CDH20: variants seen among roughly 807,000 people sequenced by gnomAD.
The protein encoded by CDH20 is cadherin 20.
Under a neutral mutation model 74.2 loss-of-function variants are expected in CDH20, and 29 were observed. The ratio of observed to expected loss-of-function variants is 0.39; its 90% CI spans 0.29 to 0.53. CDH20 has a LOEUF of 0.53. CDH20 is among the 20% of genes least tolerant of loss of function. The pLI is 0.69. For missense variants in CDH20, 988 were observed against 1,048.3 expected, an observed-to-expected ratio of 0.94 and a Z score of 0.79; for synonymous variants, 469 against 405.4, an observed-to-expected ratio of 1.16 and a Z score of -1.88.
At chr18:61,352,280 A>G (rs11152293) in intron 1 of CDH20, among the ~76,000 whole-genome samples, 33,904 of 152,186 alleles carry the variant, frequency 0.22, 4,923 homozygotes, top group Non-Finnish European at 0.32. Context: ...GAGCTGTAGC[A>G]GCATTGAGAG....
rs1200515299 is a variant in CDH20, at chr18:61,554,211, C to T, written c.1922C>T (p.Ser641Phe). 6.2e-7 allele frequency: 1 copy of T among 1,611,870 alleles called. No individual in the cohort carries two copies. The highest frequency in any genetic ancestry group is 1.1e-5 in the South Asian group (1 of 91,008). ...GCAGTGCTGGTGTTGCTCATTTTGT[C>T]CATGAGGCGGCACCGGAAACAACCA... ...VLLVLVLLIL[S>F]MRRHRKQPYI... is the part of the protein sequence containing the mutation. The change falls in exon 12 of 12, where the codon TCC (serine) becomes TTC (phenylalanine). Residue 641 changes from serine to phenylalanine, a missense_variant. Physicochemically the swap from Ser to Phe is radical, Grantham distance 155 (BLOSUM62 -2). Around this residue, in one of 2 missense-constraint regions of CDH20, gnomAD observed 375 missense variants for 293.1 expected, o/e 1.28. Coordinates refer to ENST00000262717, the MANE Select transcript of CDH20 (RefSeq NM_031891.4).
At position 61,519,816 on chromosome 18, in the gene CDH20, C is replaced by T. The variant is rs1912128004; in HGVS notation, c.1018-8151C>T. Among the ~76,000 whole-genome samples the T allele has an allele frequency of 1.3e-5, 2 of 150,784 alleles. 1 individual carries two copies. Among genetic ancestry groups the T allele is most frequent in the South Asian group, 4.1e-4 (2 of 4,820 alleles). On this transcript the variant is annotated intron_variant, in intron 6 of 11. Transcript: ENST00000262717. ...CAGGCTAAATGCCCCAATTAAAAGA[C>T]ACAGATTGGCAAATTGGATAAAGAG...
At chr18:61,451,756 A>T (rs1909395003) in intron 1 of CDH20, among the ~76,000 whole-genome samples, 1 of 152,124 alleles carries the variant, frequency 6.6e-6, no homozygotes, top group Non-Finnish European at 1.5e-5. Context: ...GAAAAAAAAA[A>T]ATCAAGAGAA....
chr18:61,464,793 C>A (rs71359623), intron 1 of CDH20, among the ~76,000 whole-genome samples: 1 of 152,194 alleles, frequency 6.6e-6, no homozygotes. Flanking sequence ...ATAGCCAGAC[C>A]TCTCAGACTT....
At chr18:61,515,373 C>G (rs534218698) in intron 6 of CDH20, among the ~76,000 whole-genome samples, 1 of 151,902 alleles carries the variant, frequency 6.6e-6, no homozygotes, top group African/African-American at 2.4e-5. Flanking sequence ...GCACGGTGCA[C>G]GCACCCACTG....
At chr18:61,354,041 CAA>C (rs35091174) in intron 1 of CDH20, among the ~76,000 whole-genome samples, 167 of 138,892 alleles carry the variant, frequency 1.2e-3, no homozygotes, top group East Asian at 1.5e-3. Flanking sequence ...GAGACCCTGT[CAA>C]AAAAAAAAAA....
intron 1 of CDH20, among the ~76,000 whole-genome samples, chr18:61,376,403 C>A (rs1489565078): frequency 1.3e-5 from 2 of 152,036 alleles, no homozygotes; most frequent in Non-Finnish European, 1.5e-5. Context: ...ACTAGTAGTA[C>A]TGTTCACATT....
In CDH20 at chr18:61,555,234, C is replaced by T. The variant is rs1042912905; in HGVS notation, c.*539C>T. 1 of 983,912 alleles carries T rather than the reference C, an allele frequency of 1.0e-6. No homozygotes were observed. Among genetic ancestry groups the T allele is most frequent in the Non-Finnish European group, 1.2e-6 (1 of 830,026 alleles). 60.9% of individuals were successfully genotyped at this position (983,912 alleles called of 1,614,324 possible). A position where few individuals can be genotyped will look rare whatever the true frequency, so the allele number is the denominator to read the frequency against. On this transcript the variant is annotated 3_prime_UTR_variant, in exon 12 of 12. Transcript: ENST00000262717. ...CTGGGATGGATGGAATTTCCCGTAA[C>T]CCTTTTGAGACAAGGTTAAGACTGA...
intron 10 of CDH20, 66 bp downstream of exon 10, chr18:61,545,210 G>A (rs959560367): frequency 4.1e-5 from 40 of 972,548 alleles, no homozygotes; most frequent in African/African-American, 1.8e-4. Flanking sequence ...TTGGGTTACT[G>A]TCTTATGCAA....
intron 5 of CDH20, among the ~76,000 whole-genome samples, chr18:61,504,820 A>G (rs1370692441): frequency 2.0e-5 from 3 of 152,074 alleles, no homozygotes; most frequent in African/African-American, 4.8e-5. Context: ...ATGTAAACAC[A>G]GGAGATCTCA....
At chr18:61,484,737 C>CCACA (rs36203080) in intron 1 of CDH20, among the ~76,000 whole-genome samples, 143 of 146,348 alleles carry the variant, frequency 9.8e-4, no homozygotes, top group African/African-American at 3.6e-3. Flanking sequence ...TTGCTCTACT[C>CCACA]CACACACACA....
chr18:61,443,976 C>G (rs779049217), intron 1 of CDH20, among the ~76,000 whole-genome samples: 32 of 152,068 alleles, frequency 2.1e-4, no homozygotes, highest in Non-Finnish European at 4.7e-4. Context: ...TCCCAGTGCA[C>G]AGTGTCGGCA....
At chr18:61,418,241 AT>A (rs1466385119) in intron 1 of CDH20, among the ~76,000 whole-genome samples, 2 of 151,944 alleles carry the variant, frequency 1.3e-5, no homozygotes, top group Non-Finnish European at 2.9e-5. Flanking sequence ...AACCAATTCC[AT>A]TTTAAAACAT....
intron 1 of CDH20, among the ~76,000 whole-genome samples, chr18:61,464,012 G>A (rs1233168162): frequency 1.3e-5 from 2 of 152,130 alleles, no homozygotes; most frequent in Non-Finnish European, 2.9e-5. Flanking sequence ...CACCCAGCAT[G>A]GAGCCCGGCA....
At chr18:61,416,568 A>G (rs952157401) in intron 1 of CDH20, among the ~76,000 whole-genome samples, 5 of 152,208 alleles carry the variant, frequency 3.3e-5, no homozygotes, top group Admixed American at 2.6e-4. Context: ...TGCTCCAGCC[A>G]TCTCATCTAT....
At chr18:61,524,242 A>G (rs1912309254) in intron 6 of CDH20, among the ~76,000 whole-genome samples, 1 of 152,164 alleles carries the variant, frequency 6.6e-6, no homozygotes, top group South Asian at 2.1e-4. Flanking sequence ...CAGAACTACA[A>G]TGAGATACCA....
At chr18:61,494,586 G>C (rs1911067383) in intron 2 of CDH20, among the ~76,000 whole-genome samples, 1 of 151,964 alleles carries the variant, frequency 6.6e-6, no homozygotes, top group Admixed American at 6.6e-5. Context: ...CTTTACCCAG[G>C]GGCATTCTGC....
chr18:61,450,387 T>TAA (rs67988465), intron 1 of CDH20, among the ~76,000 whole-genome samples: 1 of 131,132 alleles, frequency 7.6e-6, no homozygotes, highest in Non-Finnish European at 1.7e-5. Flanking sequence ...CAAACCCCTT[T>TAA]AAAAAAAAAA....
At chr18:61,538,625 G>GTTTTT (rs1415668565) in intron 8 of CDH20, among the ~76,000 whole-genome samples, 1 of 53,766 alleles carries the variant, frequency 1.9e-5, no homozygotes, top group African/African-American at 5.5e-5. Flanking sequence ...TTTTTGTTTT[G>GTTTTT]TTTTTTTTTT....
Sources: gnomAD v4.1 joint callset for allele counts (sites outside exome capture counted in the v4.1 genomes callset) on GRCh38, gnomAD v4.1.1 for gene constraint, gnomAD v4.1.1 regional missense constraint, MANE v1.5 for transcripts, NCBI Gene and HGNC (gene_info 2026-07-23, HGNC 2026-07-21) for gene names.